Variants in NPNT observed in about 807,000 individuals in gnomAD.
NPNT encodes nephronectin, also known as preosteoblast EGF-like repeat protein with MAM domain.
A neutral mutation model predicts 68.6 loss-of-function variants in NPNT; 45 were observed. The observed-to-expected ratio is 0.66, with a 90% CI of 0.52 to 0.84. The LOEUF is 0.84. NPNT is among the 40% of genes least tolerant of loss of function. NPNT has a pLI of 0.00. For missense variants in NPNT, 672 were observed against 714.8 expected, an observed-to-expected ratio of 0.94 and a Z score of 0.68; for synonymous variants, 233 against 253.3, an observed-to-expected ratio of 0.92 and a Z score of 0.76.
intron 2 of NPNT, among the ~76,000 whole-genome samples, chr4:105,904,732 G>A (rs1197383824): frequency 6.6e-6 from 1 of 152,006 alleles, no homozygotes; most frequent in African/African-American, 2.4e-5. Context: ...GCCCAGGCTG[G>A]AGTGCTGTGG....
At position 105,895,530 on chromosome 4, in the gene NPNT, A is replaced by T. The variant is rs938469085; in HGVS notation, c.-123A>T. 15 of 768,122 alleles carry T rather than the reference A, an allele frequency of 2.0e-5. No individual in the cohort carries two copies. Among genetic ancestry groups the T allele is most frequent in the Non-Finnish European group, 2.9e-5 (14 of 484,426 alleles). The allele number at this position is 768,122 out of a possible 1,614,324, so 47.6% of individuals were successfully genotyped here. On this transcript the variant is annotated 5_prime_UTR_variant, in exon 1 of 12. Coordinates refer to ENST00000379987, the MANE Select transcript of NPNT (RefSeq NM_001033047.3). ...GCTGTCCTCCGGGAGCGGCAGCAGT[A>T]GCCCGGGCGGCGAGGGCTGGGGGTT...
At chr4:105,936,678 G>T (rs957581454) in intron 3 of NPNT, among the ~76,000 whole-genome samples, 2 of 152,208 alleles carry the variant, frequency 1.3e-5, no homozygotes, top group African/African-American at 4.8e-5. Context: ...TTGGCAAACA[G>T]TTGTTAGCTG....
At chr4:105,898,658 C>G (rs1726156123) in intron 2 of NPNT, among the ~76,000 whole-genome samples, 1 of 152,076 alleles carries the variant, frequency 6.6e-6, no homozygotes, top group Non-Finnish European at 1.5e-5. Flanking sequence ...CTATAAGTAA[C>G]CAACCTCATG....
intron 3 of NPNT, among the ~76,000 whole-genome samples, chr4:105,929,238 A>G (rs559787074): frequency 6.6e-6 from 1 of 152,024 alleles, no homozygotes; most frequent in South Asian, 2.1e-4. Context: ...CACCGTTTTT[A>G]CAATCATCCA....
chr4:105,896,426 T>C (rs1725851737), intron 1 of NPNT, among the ~76,000 whole-genome samples: 1 of 151,908 alleles, frequency 6.6e-6, no homozygotes, highest in African/African-American at 2.4e-5. Context: ...CCGCTGTCAC[T>C]CAGCCGGTCC....
At chr4:105,946,233 A>G (rs2149382973) in intron 8 of NPNT, among the ~76,000 whole-genome samples, 1 of 152,354 alleles carries the variant, frequency 6.6e-6, no homozygotes, top group East Asian at 1.9e-4. Flanking sequence ...AGAAAGGGGT[A>G]CAAAACAGAA....
chr4:105,932,682 G>A (rs1729207150), intron 3 of NPNT: 17 of 1,535,832 alleles, frequency 1.1e-5, no homozygotes, highest in Non-Finnish European at 1.5e-5. Context: ...GGATCACCAA[G>A]CCACAAGTTT....
At chr4:105,898,290 T>TTC (rs148494812) in intron 2 of NPNT, among the ~76,000 whole-genome samples, 228 of 94,734 alleles carry the variant, frequency 2.4e-3, no homozygotes, top group African/African-American at 6.8e-3. Context: ...CCAGGTTTAT[T>TTC]TCTCTCTCTC....
At chr4:105,923,700 C>T (rs186953316) in intron 2 of NPNT, among the ~76,000 whole-genome samples, 50 of 152,252 alleles carry the variant, frequency 3.3e-4, no homozygotes, top group African/African-American at 1.2e-3. Flanking sequence ...ACAAGCCGTG[C>T]TCTTCAGCCC....
chr4:105,933,123 A>G (rs1036615481), intron 3 of NPNT, among the ~76,000 whole-genome samples: 4 of 152,176 alleles, frequency 2.6e-5, no homozygotes, highest in African/African-American at 9.7e-5. Flanking sequence ...CAAAGCATAC[A>G]TTAGTGACCT....
rs904648515 is a variant in NPNT at position 105,912,175 on chromosome 4, A to G, written c.172+14174A>G. On this transcript the variant is annotated intron_variant, in intron 2 of 11. Transcript: ENST00000379987. ...AGATCTGGAATTTCTTTTTTTGGAC[A>G]TTTGTTTTGCAGCTTTCTACGTCTT... 1.6e-5 allele frequency: 24 copies of G among 1,530,414 alleles called. No individual in the cohort carries two copies. In the Admixed American group the frequency reaches 3.7e-4, roughly 24 times the overall value. 94.8% of individuals were successfully genotyped at this position (1,530,414 alleles called of 1,614,324 possible). A position where few individuals can be genotyped will look rare whatever the true frequency, so the allele number is the denominator to read the frequency against.
intron 3 of NPNT, among the ~76,000 whole-genome samples, chr4:105,931,798 C>G (rs375930878): frequency 2.6e-5 from 4 of 151,754 alleles, no homozygotes; most frequent in Non-Finnish European, 5.9e-5. Context: ...CAAGATCGAG[C>G]GGCTGCACTC....
Position 105,968,905 on chromosome 4 carries a change from A to G in NPNT, c.1613A>G (p.Lys538Arg), listed in dbSNP as rs1732376729. Reference protein sequence around the residue: ...RGADIKSVVFKGEKRRGHTGE... With the variant: ...RGADIKSVVFRGEKRRGHTGE... The stretch of plus-strand genomic sequence containing the variant: ...GCATTCTCTCCCTAGGTCGTCTTCA[A>G]AGGTGAAAAAAGGCGTGGTCACACT... The change falls in exon 12 of 12, where the codon AAA becomes AGA. Residue 538 changes from lysine (K) to arginine (R), a missense_variant. By Grantham distance (26) the Lys-to-Arg change is conservative (BLOSUM62 2). Coordinates refer to ENST00000379987, the MANE Select transcript of NPNT (RefSeq NM_001033047.3). 6.2e-7 allele frequency: 1 copy of G among 1,610,728 alleles called. No individual in the cohort carries two copies. The highest frequency in any genetic ancestry group is 1.1e-5 in the South Asian group (1 of 90,876).
At chr4:105,942,165 A>G in intron 7 of NPNT, 142 bp from the exon 8 acceptor site, 1 of 542,446 alleles carries the variant, frequency 1.8e-6, no homozygotes, top group South Asian at 3.0e-5. Context: ...TATTTGGAAA[A>G]TAGTATGACT....
intron 2 of NPNT, among the ~76,000 whole-genome samples, chr4:105,903,309 T>C (rs1726576540): frequency 6.6e-6 from 1 of 152,200 alleles, no homozygotes; most frequent in African/African-American, 2.4e-5. Flanking sequence ...GCTTTCCAGA[T>C]GATAATTAGT....
At chr4:105,933,070 C>T (rs1729240073) in intron 3 of NPNT, among the ~76,000 whole-genome samples, 1 of 152,196 alleles carries the variant, frequency 6.6e-6, no homozygotes, top group Non-Finnish European at 1.5e-5. Flanking sequence ...ATCAAGTCCT[C>T]TTCCCCACTC....
At chr4:105,900,550 C>T (rs912797072) in intron 2 of NPNT, among the ~76,000 whole-genome samples, 1 of 152,186 alleles carries the variant, frequency 6.6e-6, no homozygotes. Flanking sequence ...TTGGAGAAAC[C>T]GACTAATGTT....
At chr4:105,902,706 C>T (rs568268403) in intron 2 of NPNT, 21 of 152,294 alleles carry the variant, frequency 1.4e-4, no homozygotes, top group Non-Finnish European at 2.8e-4. Flanking sequence ...TGTTTAAGAA[C>T]ATCATGTACC....
At chr4:105,902,417 G>T (rs1417159625) in intron 2 of NPNT, among the ~76,000 whole-genome samples, 3 of 152,104 alleles carry the variant, frequency 2.0e-5, no homozygotes, top group South Asian at 2.1e-4. Context: ...AAAGGGGTGG[G>T]GATTGTACTG....
Sources: gnomAD v4.1 joint callset for allele counts (sites outside exome capture counted in the v4.1 genomes callset) on GRCh38, gnomAD v4.1.1 for gene constraint, MANE v1.5 for transcripts, NCBI Gene and HGNC (gene_info 2026-07-23, HGNC 2026-07-21) for gene names.